MAML3: variants seen among roughly 807,000 people sequenced by gnomAD.
MAML3 encodes mastermind-like protein 3.
A neutral mutation model predicts 101.9 loss-of-function variants in MAML3; 27 were observed. The observed-to-expected ratio is 0.27, with a 90% CI of 0.20 to 0.37. The LOEUF (loss-of-function observed/expected upper bound fraction) is 0.37. MAML3 is among the 10% of genes least tolerant of loss of function. The pLI is 1.00. For synonymous variants in MAML3, 501 were observed against 555.9 expected (o/e 0.90, Z 1.39); for missense variants, 1,316 against 1,444.9 (o/e 0.91, Z 1.45).
In MAML3 at chr4:139,822,430, G is replaced by A. The variant is rs13353777; in HGVS notation, c.2079+66927C>T. Among the ~76,000 whole-genome samples the A allele has an allele frequency of 7.1e-3, 1,076 of 152,252 alleles. 13 individuals carry two copies. The highest frequency in any genetic ancestry group is 0.024 in the African/African-American group (1,016 of 41,538). ...CTGGGTATCAGGCCTCCTGAAATCC[G>A]CACTGTACCCCTCTGGGCAACAGGT... On this transcript the variant is annotated intron_variant, in intron 2 of 4. Coordinates refer to ENST00000509479, the MANE Select transcript of MAML3 (RefSeq NM_018717.5).
chr4:140,100,346 C>G (rs1560893442), intron 1 of MAML3, among the ~76,000 whole-genome samples: 1 of 152,170 alleles, frequency 6.6e-6, no homozygotes, highest in Admixed American at 6.5e-5. Flanking sequence ...GGTCCACCCC[C>G]CTAGACTCAG....
rs370530342 is a variant in MAML3 at position 139,876,376 on chromosome 4, T to C, written c.2079+12981A>G. Among the ~76,000 whole-genome samples, 130 of 152,306 alleles carry C rather than the reference T, an allele frequency of 8.5e-4. 1 individual carries two copies. The Middle Eastern group carries it at 0.02, about 24-fold the overall frequency. ...GGAAACTCTAAACCTGTCACTGCTTTGAGAGGGATGCAAGGGGCAAGTGTG... is the reference window on the plus strand; with the variant it reads ...GGAAACTCTAAACCTGTCACTGCTTCGAGAGGGATGCAAGGGGCAAGTGTG... On this transcript the variant is annotated intron_variant, in intron 2 of 4. Transcript: ENST00000509479.
intron 2 of MAML3, among the ~76,000 whole-genome samples, chr4:139,857,819 G>A (rs2604925): frequency 0.82 from 125,092 of 152,208 alleles, 51,972 homozygotes; most frequent in African/African-American, 0.94. Context: ...TCCCTACTTC[G>A]GGCAAAACAG....
At chr4:139,963,497 G>A (rs1324735932) in intron 1 of MAML3, among the ~76,000 whole-genome samples, 1 of 152,162 alleles carries the variant, frequency 6.6e-6, no homozygotes. Context: ...CTACGTGGCC[G>A]ACAATGAAAC....
intron 2 of MAML3, among the ~76,000 whole-genome samples, chr4:139,852,160 C>T: frequency 6.6e-6 from 1 of 152,136 alleles, no homozygotes. Context: ...GCTAAAGATC[C>T]TTTAATCAAG....
At chr4:140,085,217 G>A (rs1053777197) in intron 1 of MAML3, among the ~76,000 whole-genome samples, 1 of 152,146 alleles carries the variant, frequency 6.6e-6, no homozygotes, top group Non-Finnish European at 1.5e-5. Flanking sequence ...TTTTCCTTGC[G>A]TATTTCTTCC....
At chr4:140,058,170 C>G (rs1356627447) in intron 1 of MAML3, among the ~76,000 whole-genome samples, 5 of 151,962 alleles carry the variant, frequency 3.3e-5, no homozygotes. Context: ...AAATAATGGA[C>G]AAGGAAGGAA....
intron 2 of MAML3, 106 bp downstream of exon 2, chr4:139,889,251 C>T (rs1230129250): frequency 6.2e-7 from 1 of 1,603,334 alleles, no homozygotes; most frequent in African/African-American, 1.3e-5. Context: ...AGGTTTTCTG[C>T]AGGCAATTAG....
intron 2 of MAML3, among the ~76,000 whole-genome samples, chr4:139,856,694 C>CT (rs1202205435): frequency 3.9e-5 from 6 of 152,202 alleles, no homozygotes; most frequent in Middle Eastern, 3.2e-3. Context: ...AATCGGCAAT[C>CT]TTTCACCTCT....
chr4:140,048,581 G>A (rs1253686964), intron 1 of MAML3, among the ~76,000 whole-genome samples: 1 of 152,210 alleles, frequency 6.6e-6, no homozygotes, highest in Non-Finnish European at 1.5e-5. Context: ...AATTACCCAG[G>A]TAACTTGGGT....
intron 1 of MAML3, among the ~76,000 whole-genome samples, chr4:140,030,480 C>A (rs563087202): frequency 1.3e-5 from 2 of 152,322 alleles, no homozygotes; most frequent in African/African-American, 4.8e-5. Flanking sequence ...AAGGGCCAGG[C>A]TCCAAACAGC....
intron 2 of MAML3, among the ~76,000 whole-genome samples, chr4:139,792,109 T>G (rs1730424827): frequency 6.6e-6 from 1 of 152,228 alleles, no homozygotes; most frequent in Non-Finnish European, 1.5e-5. Flanking sequence ...TAACATTTAT[T>G]GAGTACTTGC....
intron 1 of MAML3, among the ~76,000 whole-genome samples, chr4:140,072,703 T>C (rs1727682001): frequency 6.7e-6 from 1 of 149,866 alleles, no homozygotes; most frequent in Admixed American, 6.6e-5. Context: ...CAGGAGGACG[T>C]CCGTAAGTTA....
intron 2 of MAML3, among the ~76,000 whole-genome samples, chr4:139,768,222 TTGTGTG>T (rs34182828): frequency 0.018 from 2,522 of 136,402 alleles, 20 homozygotes; most frequent in Non-Finnish European, 0.025. Flanking sequence ...CTGTTGATAG[TTGTGTG>T]TGTGTGTGTG....
At chr4:140,046,770 G>T (rs1045220598) in intron 1 of MAML3, among the ~76,000 whole-genome samples, 3 of 151,986 alleles carry the variant, frequency 2.0e-5, no homozygotes, top group Non-Finnish European at 4.4e-5. Context: ...GGAATTTAGG[G>T]TTGGCAACTG....
intron 2 of MAML3, among the ~76,000 whole-genome samples, chr4:139,842,732 C>T (rs1236695234): frequency 1.6e-5 from 2 of 125,152 alleles, no homozygotes; most frequent in African/African-American, 6.2e-5. Flanking sequence ...TGGTCAGGCT[C>T]GAACTCCTGG....
At chr4:139,903,248 T>C (rs537242886) in intron 1 of MAML3, among the ~76,000 whole-genome samples, 2 of 152,292 alleles carry the variant, frequency 1.3e-5, no homozygotes, top group Non-Finnish European at 2.9e-5. Context: ...GTGCTGAGAT[T>C]AGAGATTTAA....
chr4:140,125,418 C>T (rs1042199074), intron 1 of MAML3, among the ~76,000 whole-genome samples: 3 of 148,982 alleles, frequency 2.0e-5, no homozygotes, highest in Non-Finnish European at 4.5e-5. Flanking sequence ...CTTTAAAACT[C>T]ACTTTTAATT....
At chr4:140,078,983 T>C (rs890463130) in intron 1 of MAML3, among the ~76,000 whole-genome samples, 1 of 152,154 alleles carries the variant, frequency 6.6e-6, no homozygotes, top group Admixed American at 6.5e-5. Flanking sequence ...CAATGGTATA[T>C]GAAAAACCTC....
Sources: gnomAD v4.1 joint callset for allele counts (sites outside exome capture counted in the v4.1 genomes callset) on GRCh38, gnomAD v4.1.1 for gene constraint, MANE v1.5 for transcripts, NCBI Gene and HGNC (gene_info 2026-07-23, HGNC 2026-07-21) for gene names.